Variants in ABT1 observed in about 807,000 individuals in gnomAD.
The protein encoded by ABT1 is TATA-binding protein-binding protein.
Under a neutral mutation model 14.0 loss-of-function variants are expected in ABT1, and 13 were observed. That is an observed-to-expected ratio of 0.93 (90% CI 0.61 to 1.48). The LOEUF is 1.48. Ranked by LOEUF, ABT1 falls within the 40% of genes most tolerant of loss-of-function variation. ABT1 has a pLI of 0.00. For synonymous variants in ABT1, 165 were observed against 144.6 expected, an observed-to-expected ratio of 1.14 and a Z score of -1.01; for missense variants, 430 against 380.0, an observed-to-expected ratio of 1.13 and a Z score of -1.09.
At chr6:26,598,140 C>T (rs782052463) in intron 2 of ABT1, 30 bp downstream of exon 2, 1 of 1,589,690 alleles carries the variant, frequency 6.3e-7, no homozygotes, top group Non-Finnish European at 8.6e-7. Flanking sequence ...TGCCACACCT[C>T]TCACCCTCCC....
At position 26,597,226 on chromosome 6, in the gene ABT1, A is replaced by G. The variant is rs1554144587; in HGVS notation, c.241+3A>G. ...ACGCGTCTTCTTTCAGGCTGAGGGT[A>G]AGTATGCAGGCCCTGACGGTGACAG... On this transcript the variant is annotated splice_donor_region_variant and intron_variant, in intron 1 of 2. Transcript: ENST00000274849. 1.2e-6 allele frequency: 2 copies of G among 1,613,708 alleles called. No individual in the cohort carries two copies. The highest frequency in any genetic ancestry group is 2.7e-5 in the African/African-American group (2 of 74,906).
rs782247399 is a variant in ABT1 at position 26,597,916 on chromosome 6, C to T, written c.244C>T (p.Arg82Trp). Residue 82 changes from arginine to tryptophan, a missense_variant and splice_region_variant, in exon 2 of 3, where the codon CGG becomes TGG. Transcript: ENST00000274849. ...VGRVFFQAED[R>W]FVRRKKKAAA... ...GGGTCTTTGTCTTTGGCGCGCAGAC[C>T]GGTTCGTGAGACGCAAGAAGAAGGC... 2 of 1,609,492 alleles carry T rather than the reference C, an allele frequency of 1.2e-6. No homozygotes were observed. The highest frequency in any genetic ancestry group is 2.2e-5 in the East Asian group (1 of 44,750).
rs950852447 is a variant in ABT1 at position 26,600,058 on chromosome 6, T to C, written c.*1413T>C. On this transcript the variant is annotated 3_prime_UTR_variant, in exon 3 of 3. Coordinates refer to ENST00000274849, the MANE Select transcript of ABT1 (RefSeq NM_013375.4). ...AAAGGACCATACGGTAAAGCTGGTA[T>C]AACATTTCTCACAACCCACATACCT... 1.3e-5 allele frequency: 2 copies of C among 152,372 alleles called. No homozygotes were observed. Among genetic ancestry groups the C allele is most frequent in the Non-Finnish European group, 1.5e-5 (1 of 68,040 alleles). The allele number at this position is 152,372 out of a possible 1,614,324, so 9.4% of individuals were successfully genotyped here. A position where few individuals can be genotyped will look rare whatever the true frequency, so the allele number is the denominator to read the frequency against.
In ABT1 at chr6:26,599,961, T is replaced by C. The variant is rs186396476; in HGVS notation, c.*1316T>C. 6.6e-5 allele frequency: 10 copies of C among 152,362 alleles called. No homozygotes were observed. Among genetic ancestry groups the C allele is most frequent in the Admixed American group, 6.5e-4 (10 of 15,308 alleles). 9.4% of individuals were successfully genotyped at this position (152,362 alleles called of 1,614,324 possible). ...CTGTGTTTTATAGGGTAGAGTGGAT[T>C]TGTCTACTTTGGCTGTAAAATACCC... On this transcript the variant is annotated 3_prime_UTR_variant, in exon 3 of 3. Transcript: ENST00000274849.
Position 26,600,551 on chromosome 6 carries a change from G to A in ABT1, c.*1906G>A, listed in dbSNP as rs548401724. 3.3e-5 allele frequency: 5 copies of A among 152,316 alleles called. No individual in the cohort carries two copies. The East Asian group carries it at 9.6e-4, about 29-fold the overall frequency. The allele number at this position is 152,316 out of a possible 1,614,324, so 9.4% of individuals were successfully genotyped here. On this transcript the variant is annotated 3_prime_UTR_variant, in exon 3 of 3. Coordinates refer to ENST00000274849, the MANE Select transcript of ABT1 (RefSeq NM_013375.4). Reference sequence around the variant, plus strand: ...GGTGGAGTGAGGAATGAGAATAAATGGGTGGAAGAAAATATCCTAGGAACT... The same window carrying A: ...GGTGGAGTGAGGAATGAGAATAAATAGGTGGAAGAAAATATCCTAGGAACT...
chr6:26,598,241 TC>T (rs1359418712), intron 2 of ABT1, 23 bp from the exon 3 acceptor site: 1 of 1,602,372 alleles, frequency 6.2e-7, no homozygotes, highest in African/African-American at 1.3e-5. Context: ...ACTATCCTGA[TC>T]TTTTCTTCTT....
In ABT1 at chr6:26,598,489, G is replaced by A; in HGVS notation, c.663G>A (p.Arg221=). ...AGCGTCCTACTGAGCAGGAACTGAG[G>A]GCCCGTAAAGCAGCACGGCCAGGGG... ...FAQRPTEQEL[R]ARKAARPGGR... Residue 221 remains arginine, a synonymous_variant, in exon 3 of 3, where the codon AGG becomes AGA. Coordinates refer to ENST00000274849, the MANE Select transcript of ABT1 (RefSeq NM_013375.4). 17 of 1,614,098 alleles carry A rather than the reference G, an allele frequency of 1.1e-5. No individual in the cohort carries two copies. Among genetic ancestry groups the A allele is most frequent in the Non-Finnish European group, 1.4e-5 (17 of 1,179,968 alleles).
Position 26,598,973 on chromosome 6 carries a change from C to G in ABT1, c.*328C>G, listed in dbSNP as rs1487024591. The G allele has an allele frequency of 4.3e-6, 1 of 233,666 alleles. No homozygotes were observed. The highest frequency in any genetic ancestry group is 2.3e-5 in the African/African-American group (1 of 44,336). The allele number at this position is 233,666 out of a possible 1,614,324, so 14.5% of individuals were successfully genotyped here. A position where few individuals can be genotyped will look rare whatever the true frequency, so the allele number is the denominator to read the frequency against. ...CCCCAGAAAGGGCCTTTATTTCCAA[C>G]TAGGAGGATAATGCCTAGTCCAGGC... On this transcript the variant is annotated 3_prime_UTR_variant, in exon 3 of 3. Coordinates refer to ENST00000274849, the MANE Select transcript of ABT1 (RefSeq NM_013375.4).
rs782787385 is a variant in ABT1, at chr6:26,597,950, C to T, written c.278C>T (p.Ala93Val). ...FVRRKKKAAA[A>V]AGGKKRSYTK... ...AGACGCAAGAAGAAGGCAGCAGCAG[C>T]TGCCGGAGGAAAAAAGCGGTCCTAC... Residue 93 changes from alanine (A) to valine (V), a missense_variant, in exon 2 of 3, where the codon GCT becomes GTT. Physicochemically the swap from Ala to Val is moderately conservative, Grantham distance 64. Coordinates refer to ENST00000274849, the MANE Select transcript of ABT1 (RefSeq NM_013375.4). 6.8e-6 allele frequency: 11 copies of T among 1,613,412 alleles called. No homozygotes were observed. The highest frequency in any genetic ancestry group is 1.6e-4 in the Middle Eastern group (1 of 6,080).
rs555890450 is a variant in ABT1 at position 26,600,013 on chromosome 6, C to T, written c.*1368C>T. 6.6e-6 allele frequency: 1 copy of T among 152,194 alleles called. No individual in the cohort carries two copies. Among genetic ancestry groups the T allele is most frequent in the Non-Finnish European group, 1.5e-5 (1 of 68,046 alleles). 9.4% of individuals were successfully genotyped at this position (152,194 alleles called of 1,614,324 possible). A position where few individuals can be genotyped will look rare whatever the true frequency, so the allele number is the denominator to read the frequency against. On this transcript the variant is annotated 3_prime_UTR_variant, in exon 3 of 3. Transcript: ENST00000274849. ...AATCACATTATGATCTTGACAGGTGCACTTTACTGGGGAGAATAAAAAGGA... is the reference window on the plus strand; with the variant it reads ...AATCACATTATGATCTTGACAGGTGTACTTTACTGGGGAGAATAAAAAGGA...
intron 1 of ABT1, 101 bp from the exon 2 acceptor site, chr6:26,597,813 A>G (rs2113625213): frequency 1.7e-6 from 2 of 1,209,976 alleles, no homozygotes; most frequent in Non-Finnish European, 2.3e-6. Context: ...TTCAGGTGGG[A>G]CTCCCACTGG....
chr6:26,599,504 T>A lies in ABT1; in HGVS notation c.*859T>A, dbSNP rs45568331. ...AGAGTCCTCTCAATGGGAACCTGAT[T>A]GATGATCACAGTCTTCAGTGGTGAG... On this transcript the variant is annotated 3_prime_UTR_variant, in exon 3 of 3. Coordinates refer to ENST00000274849, the MANE Select transcript of ABT1 (RefSeq NM_013375.4). 1 of 152,192 alleles carries A rather than the reference T, an allele frequency of 6.6e-6. No individual in the cohort carries two copies. Among genetic ancestry groups the A allele is most frequent in the Admixed American group, 6.5e-5 (1 of 15,280 alleles). The allele number at this position is 152,192 out of a possible 1,614,324, so 9.4% of individuals were successfully genotyped here.
rs782776423 is a variant in ABT1, at chr6:26,598,507, G to T, written c.681G>T (p.Arg227=). 6.2e-7 allele frequency: 1 copy of T among 1,613,848 alleles called. No homozygotes were observed. Among genetic ancestry groups the T allele is most frequent in the Non-Finnish European group, 8.5e-7 (1 of 1,179,902 alleles). ...AACTGAGGGCCCGTAAAGCAGCACG[G>T]CCAGGGGGACGTGAACGGGCTCGCC... ...EQELRARKAA[R]PGGRERARLA... is the part of the protein sequence containing the mutation. The change falls in exon 3 of 3, where the codon CGG becomes CGT. Residue 227 remains arginine, a synonymous_variant. Transcript: ENST00000274849.
rs1764929882 is a variant in ABT1, at chr6:26,598,251, T to C, written c.439-14T>C. 6.2e-7 allele frequency: 1 copy of C among 1,604,790 alleles called. No homozygotes were observed. Among genetic ancestry groups the C allele is most frequent in the Non-Finnish European group, 8.5e-7 (1 of 1,172,934 alleles). On this transcript the variant is annotated splice_polypyrimidine_tract_variant and intron_variant, in intron 2 of 2. Coordinates refer to ENST00000274849, the MANE Select transcript of ABT1 (RefSeq NM_013375.4). ...TCTGCACTATCCTGATCTTTTCTTC[T>C]TTTCTGCCCACAGTACTTGCACCGT...
Position 26,597,188 on chromosome 6 carries a change from A to C in ABT1, c.206A>C (p.Tyr69Ser). ...CACGTCCGCAACCTTCTCAGCGCCT[A>C]TGGCGAGGTCGGACGCGTCTTCTTT... ...PLHVRNLLSA[Y>S]GEVGRVFFQA... The change falls in exon 1 of 3, where the codon TAT becomes TCT. Residue 69 changes from tyrosine to serine, a missense_variant. Tyr to Ser is a moderately radical substitution (Grantham distance 144). Transcript: ENST00000274849. The C allele has an allele frequency of 6.2e-7, 1 of 1,614,234 alleles. No homozygotes were observed. Among genetic ancestry groups the C allele is most frequent in the Non-Finnish European group, 8.5e-7 (1 of 1,180,040 alleles).
Position 26,600,522 on chromosome 6 carries a change from C to T in ABT1, c.*1877C>T, listed in dbSNP as rs1420070759. 2.0e-5 allele frequency: 3 copies of T among 152,178 alleles called. No homozygotes were observed. The highest frequency in any genetic ancestry group is 7.2e-5 in the African/African-American group (3 of 41,434). The allele number at this position is 152,178 out of a possible 1,614,324, so 9.4% of individuals were successfully genotyped here. On this transcript the variant is annotated 3_prime_UTR_variant, in exon 3 of 3. Coordinates refer to ENST00000274849, the MANE Select transcript of ABT1 (RefSeq NM_013375.4). ...CTGCGGCCAGGCAAGCTAAGTAAGT[C>T]ACAGGTGGAGTGAGGAATGAGAATA... is the stretch of plus-strand genomic sequence containing the variant.
rs1764959538 is a variant in ABT1, at chr6:26,600,369, T to C, written c.*1724T>C. ...AAGTACAGTAGACATACTGGGGTTT[T>C]ATTTAAGACTTTCTTGAATGAAGAA... is the stretch of plus-strand genomic sequence containing the variant. On this transcript the variant is annotated 3_prime_UTR_variant, in exon 3 of 3. Transcript: ENST00000274849. The C allele has an allele frequency of 6.6e-6, 1 of 152,238 alleles. No individual in the cohort carries two copies. The highest frequency in any genetic ancestry group is 2.1e-4 in the South Asian group (1 of 4,832). 9.4% of individuals were successfully genotyped at this position (152,238 alleles called of 1,614,324 possible).
intron 1 of ABT1, 119 bp downstream of exon 1, chr6:26,597,342 G>A (rs1162516327): frequency 2.7e-6 from 4 of 1,503,558 alleles, no homozygotes; most frequent in African/African-American, 1.4e-5. Context: ...GGATTTTGGG[G>A]GTGGGGAGTG....
chr6:26,597,602 T>C (rs550561531), intron 1 of ABT1, among the ~76,000 whole-genome samples: 17 of 152,346 alleles, frequency 1.1e-4, no homozygotes, highest in Admixed American at 9.8e-4. Context: ...CTCTTTAGCA[T>C]TGCTGCCTAG....
Sources: gnomAD v4.1 joint callset for allele counts (sites outside exome capture counted in the v4.1 genomes callset) on GRCh38, gnomAD v4.1.1 for gene constraint, MANE v1.5 for transcripts, NCBI Gene and HGNC (gene_info 2026-07-23, HGNC 2026-07-21) for gene names.